The following DDX39A variants were observed in gnomAD, a reference collection of about 807,000 sequenced individuals.
The protein encoded by DDX39A is ATP-dependent RNA helicase DDX39A.
DDX39A carries 13 observed loss-of-function variants against 46.3 expected under a neutral mutation model. That is an observed-to-expected ratio of 0.28 (90% CI 0.18 to 0.45). The LOEUF (loss-of-function observed/expected upper bound fraction) is 0.45. Ranked by LOEUF, DDX39A falls within the 20% of genes least tolerant of loss-of-function variation. DDX39A has a pLI of 1.00. For synonymous variants in DDX39A, 234 were observed against 224.6 expected (o/e 1.04, Z -0.38); for missense variants, 352 against 581.8 (o/e 0.61, Z 4.06).
rs138589818 is a variant in DDX39A at position 14,409,453 on chromosome 19, G to A, written c.975-6C>T. On this transcript the variant is annotated splice_region_variant and splice_polypyrimidine_tract_variant and intron_variant, in intron 8 of 10. Coordinates refer to ENST00000242776, the MANE Select transcript of DDX39A (RefSeq NM_005804.4). The surrounding 1 kb of genome is among the most constrained non-coding windows in gnomAD (Gnocchi z 8.3). ...ACTGCTGATAGCGTGACAGGCTGGG[G>A]TGCAGGAGAAACAAGTGGAGGCCGT... The A allele has an allele frequency of 3.9e-3, 6,279 of 1,613,866 alleles. 19 individuals carry two copies. The highest frequency in any genetic ancestry group is 4.8e-3 in the Non-Finnish European group (5,632 of 1,180,008).
In DDX39A at chr19:14,410,904, G is replaced by A; in HGVS notation, c.613+85C>T. 7.6e-7 allele frequency: 1 copy of A among 1,317,950 alleles called. No individual in the cohort carries two copies. Among genetic ancestry groups the A allele is most frequent in the Non-Finnish European group, 1.0e-6 (1 of 985,186 alleles). 81.6% of individuals were successfully genotyped at this position (1,317,950 alleles called of 1,614,324 possible). A position where few individuals can be genotyped will look rare whatever the true frequency, so the allele number is the denominator to read the frequency against. ...GGAGCCCCGCCTGCCGGCCGCCCAT[G>A]TAACCCACTCAAGAGCCTTCCGCCT... is the stretch of plus-strand genomic sequence containing the variant. On this transcript the variant is annotated intron_variant, in intron 5 of 10. Transcript: ENST00000242776. The surrounding 1 kb of genome is among the most constrained non-coding windows in gnomAD (Gnocchi z 4.3).
Position 14,412,375 on chromosome 19 carries a change from C to T in DDX39A, c.336+176G>A, listed in dbSNP as rs764052571. 5.7e-6 allele frequency: 4 copies of T among 700,450 alleles called. No homozygotes were observed. Among genetic ancestry groups the T allele is most frequent in the Non-Finnish European group, 8.8e-6 (4 of 453,340 alleles). 43.4% of individuals were successfully genotyped at this position (700,450 alleles called of 1,614,324 possible). A position where few individuals can be genotyped will look rare whatever the true frequency, so the allele number is the denominator to read the frequency against. ...ATGGAGTCTACCTCTGCCACCCAGG[C>T]TGGAGTGCAGTGGTGTGATCATAGC... On this transcript the variant is annotated intron_variant, in intron 3 of 10. Coordinates refer to ENST00000242776, the MANE Select transcript of DDX39A (RefSeq NM_005804.4). This position sits in a 1 kb window ranked among gnomAD's most constrained non-coding sequence, Gnocchi z 4.4.
rs539316298 is a variant in DDX39A, at chr19:14,418,400, T to C, written c.-5+870A>G. On this transcript the variant is annotated intron_variant, in intron 1 of 10. Transcript: ENST00000242776. The stretch of plus-strand genomic sequence containing the variant: ...TACCCTCAAGTGTCCCCAGGCAGGC[T>C]TTCCACCCCGGAGTTTATTCCCACC... Among the ~76,000 whole-genome samples the C allele has an allele frequency of 1.5e-3, 224 of 152,264 alleles. 1 individual carries two copies. Among genetic ancestry groups the C allele is most frequent in the African/African-American group, 5.1e-3 (213 of 41,566 alleles).
chr19:14,418,294 A>C (rs548323715), intron 1 of DDX39A, among the ~76,000 whole-genome samples: 1 of 152,154 alleles, frequency 6.6e-6, no homozygotes, highest in Non-Finnish European at 1.5e-5. Context: ...GGTGGCCATG[A>C]CCGCTAAGGC....
chr19:14,409,042 G>T lies in DDX39A; in HGVS notation c.1262C>A (p.Thr421Lys), dbSNP rs1976430427. 2 of 1,614,116 alleles carry T rather than the reference G, an allele frequency of 1.2e-6. No individual in the cohort carries two copies. Among genetic ancestry groups the T allele is most frequent in the Non-Finnish European group, 1.7e-6 (2 of 1,180,064 alleles). The change falls in exon 10 of 11, where the codon ACA (threonine) becomes AAA (lysine). Residue 421 changes from threonine to lysine, a missense_variant. Thr to Lys is a moderately conservative substitution (Grantham distance 78). Around this residue, in one of 3 missense-constraint regions of DDX39A, gnomAD observed 301 missense variants for 469.9 expected, o/e 0.64. Transcript: ENST00000242776. The surrounding 1 kb of genome is among the most constrained non-coding windows in gnomAD (Gnocchi z 8.3). Reference protein sequence around the residue: ...AELPEEIDISTYIEQSR With the variant: ...AELPEEIDISKYIEQSR Reference sequence around the variant, plus strand: ...GCCCTGCCCAAGGCACTTACTGTATGTGGAGATGTCGATTTCCTCTGGAAG... The same window carrying T: ...GCCCTGCCCAAGGCACTTACTGTATTTGGAGATGTCGATTTCCTCTGGAAG...
In DDX39A at chr19:14,409,275, A is replaced by G; in HGVS notation, c.1119+28T>C. The G allele has an allele frequency of 3.1e-6, 5 of 1,613,690 alleles. No individual in the cohort carries two copies. The highest frequency in any genetic ancestry group is 4.2e-6 in the Non-Finnish European group (5 of 1,179,598). On this transcript the variant is annotated intron_variant, in intron 9 of 10. Transcript: ENST00000242776. The surrounding 1 kb of genome is among the most constrained non-coding windows in gnomAD (Gnocchi z 8.3). ...TGGGGCCCCACCCCACCGCCAGGGGAAAGCAACATGCCCGTGAGGCTGCTC... is the reference window on the plus strand; with the variant it reads ...TGGGGCCCCACCCCACCGCCAGGGGGAAGCAACATGCCCGTGAGGCTGCTC...
chr19:14,411,292 G>C lies in DDX39A; in HGVS notation c.430-120C>G, dbSNP rs941546834. 32 of 1,239,564 alleles carry C rather than the reference G, an allele frequency of 2.6e-5. No homozygotes were observed. In the South Asian group the frequency reaches 2.7e-4, roughly 10 times the overall value. 76.8% of individuals were successfully genotyped at this position (1,239,564 alleles called of 1,614,324 possible). ...ACCAAGGCAGGCCTGAGAGCCTCCC[G>C]GGGCTCCACTCAAAGGCAGCCCCAG... On this transcript the variant is annotated intron_variant, in intron 4 of 10. Coordinates refer to ENST00000242776, the MANE Select transcript of DDX39A (RefSeq NM_005804.4). This position sits in a 1 kb window ranked among gnomAD's most constrained non-coding sequence, Gnocchi z 4.1.
At position 14,411,542 on chromosome 19, in the gene DDX39A, T is replaced by C. The variant is rs149562590; in HGVS notation, c.393A>G (p.Glu131=). 6.2e-7 allele frequency: 1 copy of C among 1,614,006 alleles called. No individual in the cohort carries two copies. The change falls in exon 4 of 11, where the codon GAA becomes GAG. Residue 131 remains glutamate, a synonymous_variant. Transcript: ENST00000242776. This position sits in a 1 kb window ranked among gnomAD's most constrained non-coding sequence, Gnocchi z 4.1. ...GCATGTACTTGGAAAAGCGCTCATA[T>C]TCCTTGCTGATCTGGAAGGCCAGCT... ...TRELAFQISK[E]YERFSKYMPS...
rs1417354318 is a variant in DDX39A at position 14,415,474 on chromosome 19, T to TG, written c.-4-2251dup. On this transcript the variant is annotated intron_variant, in intron 1 of 10. Transcript: ENST00000242776. ...GCCCGCCACCACTAATTTTTGTATT[T>TG]GTAACAGAGATGGGGTTTCACCATG... 1.1e-4 allele frequency among the ~76,000 whole-genome samples: 17 copies of TG among 152,108 alleles called. No individual in the cohort carries two copies. In the East Asian group the frequency reaches 3.3e-3, roughly 30 times the overall value.
Position 14,412,222 on chromosome 19 carries a change from T to A in DDX39A, c.336+329A>T, listed in dbSNP as rs1976620053. On this transcript the variant is annotated intron_variant, in intron 3 of 10. Transcript: ENST00000242776. This position sits in a 1 kb window ranked among gnomAD's most constrained non-coding sequence, Gnocchi z 4.4. ...CAACCCAACCTTCACAGATGGACACTCTCTAGGTAAGTGGCACGGCAAAAC... is the reference window on the plus strand; with the variant it reads ...CAACCCAACCTTCACAGATGGACACACTCTAGGTAAGTGGCACGGCAAAAC... 3 of 300,392 alleles carry A rather than the reference T, an allele frequency of 1.0e-5. No homozygotes were observed. The highest frequency in any genetic ancestry group is 1.9e-5 in the Non-Finnish European group (3 of 157,102). 18.6% of individuals were successfully genotyped at this position (300,392 alleles called of 1,614,324 possible). A position where few individuals can be genotyped will look rare whatever the true frequency, so the allele number is the denominator to read the frequency against.
chr19:14,419,010 C>A (rs932329562), intron 1 of DDX39A: 1 of 456,088 alleles, frequency 2.2e-6, no homozygotes. Flanking sequence ...GGGCTCGGAG[C>A]GCCGTAGGCC....
At chr19:14,417,038 G>C (rs1976836960) in intron 1 of DDX39A, among the ~76,000 whole-genome samples, 1 of 152,268 alleles carries the variant, frequency 6.6e-6, no homozygotes, top group East Asian at 1.9e-4. Flanking sequence ...GATTGGAGCT[G>C]AGCCACTCAA....
At position 14,411,913 on chromosome 19, in the gene DDX39A, AT is replaced by A. The variant is rs1280422339; in HGVS notation, c.337-316del. Among the ~76,000 whole-genome samples the A allele has an allele frequency of 6.6e-6, 1 of 152,130 alleles. No homozygotes were observed. The highest frequency in any genetic ancestry group is 1.5e-5 in the Non-Finnish European group (1 of 68,026). On this transcript the variant is annotated intron_variant, in intron 3 of 10. Coordinates refer to ENST00000242776, the MANE Select transcript of DDX39A (RefSeq NM_005804.4). The surrounding 1 kb of genome is among the most constrained non-coding windows in gnomAD (Gnocchi z 4.1). ...TGACATGGGACCTGGCTCTCTAAGGATTTCCTGAATCTCGGCACTCGGGCGG... is the reference window on the plus strand; with the variant it reads ...TGACATGGGACCTGGCTCTCTAAGGATTCCTGAATCTCGGCACTCGGGCGG...
rs1976626827 is a variant in DDX39A, at chr19:14,412,387, G to C, written c.336+164C>G. On this transcript the variant is annotated intron_variant, in intron 3 of 10. Coordinates refer to ENST00000242776, the MANE Select transcript of DDX39A (RefSeq NM_005804.4). This position sits in a 1 kb window ranked among gnomAD's most constrained non-coding sequence, Gnocchi z 4.4. ...TCTGCCACCCAGGCTGGAGTGCAGT[G>C]GTGTGATCATAGCACACTGCAGCCT... is the stretch of plus-strand genomic sequence containing the variant. 1 of 840,388 alleles carries C rather than the reference G, an allele frequency of 1.2e-6. No homozygotes were observed. Among genetic ancestry groups the C allele is most frequent in the African/African-American group, 1.7e-5 (1 of 58,548 alleles). The allele number at this position is 840,388 out of a possible 1,614,324, so 52.1% of individuals were successfully genotyped here. A position where few individuals can be genotyped will look rare whatever the true frequency, so the allele number is the denominator to read the frequency against.
At chr19:14,418,215 G>A (rs1177223360) in intron 1 of DDX39A, among the ~76,000 whole-genome samples, 2 of 151,794 alleles carry the variant, frequency 1.3e-5, no homozygotes, top group African/African-American at 4.8e-5. Context: ...AACCGGGCTG[G>A]ACAGGATCTA....
In DDX39A at chr19:14,412,993, A is replaced by T. The variant is rs747038903; in HGVS notation, c.208+20T>A. 6.2e-7 allele frequency: 1 copy of T among 1,610,824 alleles called. No homozygotes were observed. The highest frequency in any genetic ancestry group is 1.7e-5 in the Admixed American group (1 of 59,786). On this transcript the variant is annotated intron_variant, in intron 2 of 10. Coordinates refer to ENST00000242776, the MANE Select transcript of DDX39A (RefSeq NM_005804.4). This position sits in a 1 kb window ranked among gnomAD's most constrained non-coding sequence, Gnocchi z 4.4. ...TCTTGGTGAGGACCTGGGCAAGAGGATAACACCCAGAAGGCGTACCCTCAG... is the reference window on the plus strand; with the variant it reads ...TCTTGGTGAGGACCTGGGCAAGAGGTTAACACCCAGAAGGCGTACCCTCAG...
Position 14,412,241 on chromosome 19 carries a change from G to A in DDX39A, c.336+310C>T. The A allele has an allele frequency of 6.0e-6, 2 of 335,848 alleles. No homozygotes were observed. The highest frequency in any genetic ancestry group is 3.3e-5 in the South Asian group (1 of 30,168). The allele number at this position is 335,848 out of a possible 1,614,324, so 20.8% of individuals were successfully genotyped here. A position where few individuals can be genotyped will look rare whatever the true frequency, so the allele number is the denominator to read the frequency against. ...GGACACTCTCTAGGTAAGTGGCACGGCAAAACAGCAACGATGCCTCTGGGG... is the reference window on the plus strand; with the variant it reads ...GGACACTCTCTAGGTAAGTGGCACGACAAAACAGCAACGATGCCTCTGGGG... On this transcript the variant is annotated intron_variant, in intron 3 of 10. Coordinates refer to ENST00000242776, the MANE Select transcript of DDX39A (RefSeq NM_005804.4). The surrounding 1 kb of genome is among the most constrained non-coding windows in gnomAD (Gnocchi z 4.4).
chr19:14,418,512 C>T (rs1002988033), intron 1 of DDX39A, among the ~76,000 whole-genome samples: 5 of 152,126 alleles, frequency 3.3e-5, no homozygotes, highest in African/African-American at 1.2e-4. Flanking sequence ...GGCTGGAGTG[C>T]AGTGTCGCGA....
intron 1 of DDX39A, 109 bp from the exon 2 acceptor site, chr19:14,413,333 T>C (rs1000816480): frequency 9.9e-7 from 1 of 1,006,378 alleles, no homozygotes; most frequent in African/African-American, 1.6e-5. Flanking sequence ...CCATCAGCTC[T>C]ACCTGGGCTG....
Sources: gnomAD v4.1 joint callset for allele counts (sites outside exome capture counted in the v4.1 genomes callset) on GRCh38, gnomAD v4.1.1 for gene constraint, gnomAD v4.1.1 regional missense constraint, Gnocchi (gnomAD v3.1) non-coding constraint, MANE v1.5 for transcripts, NCBI Gene and HGNC (gene_info 2026-07-23, HGNC 2026-07-21) for gene names.